Variants in TMEM94 observed in about 807,000 individuals in gnomAD.
TMEM94 encodes transmembrane protein 94.
A neutral mutation model predicts 158.6 loss-of-function variants in TMEM94; 81 were observed. The ratio of observed to expected loss-of-function variants is 0.51; its 90% CI spans 0.43 to 0.61. TMEM94 has a LOEUF of 0.61. Ranked by LOEUF, TMEM94 falls within the 20% of genes least tolerant of loss-of-function variation. TMEM94 has a pLI of 0.00. For missense variants in TMEM94, 1,435 were observed against 1,762.0 expected, an observed-to-expected ratio of 0.81 and a Z score of 3.32; for synonymous variants, 751 against 730.7, an observed-to-expected ratio of 1.03 and a Z score of -0.45.
At chr17:75,461,645 C>T (rs1441727426) in intron 1 of TMEM94, among the ~76,000 whole-genome samples, 2 of 151,830 alleles carry the variant, frequency 1.3e-5, no homozygotes, top group East Asian at 1.9e-4. Context: ...CACAGTAGGC[C>T]GGGCGCAGTG....
At chr17:75,467,459 C>G (rs2050343946) in intron 1 of TMEM94, among the ~76,000 whole-genome samples, 1 of 149,722 alleles carries the variant, frequency 6.7e-6, no homozygotes, top group Non-Finnish European at 1.5e-5. Context: ...TTGATCTTGT[C>G]TTCTGCAAAT....
chr17:75,499,414 CATGA>C lies in TMEM94; in HGVS notation c.*84_*87del. The C allele has an allele frequency of 7.3e-7, 1 of 1,373,652 alleles. No homozygotes were observed. The highest frequency in any genetic ancestry group is 1.0e-6 in the Non-Finnish European group (1 of 969,010). The allele number at this position is 1,373,652 out of a possible 1,614,324, so 85.1% of individuals were successfully genotyped here. A position where few individuals can be genotyped will look rare whatever the true frequency, so the allele number is the denominator to read the frequency against. On this transcript the variant is annotated 3_prime_UTR_variant, in exon 32 of 32. Coordinates refer to ENST00000314256, the MANE Select transcript of TMEM94 (RefSeq NM_014738.6). ...CATTTCTGAACAGGGGAGTTTGTATCATGAATGTTTCCAGGTTTGCTCCTGCACC... is the reference window on the plus strand; with the variant it reads ...CATTTCTGAACAGGGGAGTTTGTATCATGTTTCCAGGTTTGCTCCTGCACC...
intron 1 of TMEM94, among the ~76,000 whole-genome samples, chr17:75,469,533 T>C (rs1411720481): frequency 6.6e-6 from 1 of 151,298 alleles, no homozygotes; most frequent in Non-Finnish European, 1.5e-5. Flanking sequence ...TTAGTAGAGA[T>C]GGGGTTTCAT....
intron 2 of TMEM94, among the ~76,000 whole-genome samples, chr17:75,479,699 C>T (rs116936778): frequency 0.045 from 6,908 of 152,128 alleles, 162 homozygotes; most frequent in Middle Eastern, 0.095. Context: ...GGGCAGATCA[C>T]ATGAGCCCAG....
chr17:75,492,648 C>T lies in TMEM94; in HGVS notation c.1771C>T (p.Leu591=), dbSNP rs1399122003. ...CAAACCCCTGGGCCTCAATGTGCTG[C>T]TGAACCTGTGTGATGCCAGCGTCAC... ...SLKPLGLNVL[L]NLCDASVTER... Residue 591 remains leucine, a synonymous_variant, in exon 15 of 32, where the codon CTG becomes TTG. Coordinates refer to ENST00000314256, the MANE Select transcript of TMEM94 (RefSeq NM_014738.6). This position sits in a 1 kb window ranked among gnomAD's most constrained non-coding sequence, Gnocchi z 4.4. The T allele has an allele frequency of 1.2e-6, 2 of 1,614,062 alleles. No homozygotes were observed. The highest frequency in any genetic ancestry group is 4.5e-5 in the East Asian group (2 of 44,876).
In TMEM94 at chr17:75,492,993, C is replaced by T. The variant is rs1276773366; in HGVS notation, c.1977C>T (p.Pro659=). 6.2e-7 allele frequency: 1 copy of T among 1,613,852 alleles called. No homozygotes were observed. The highest frequency in any genetic ancestry group is 8.5e-7 in the Non-Finnish European group (1 of 1,180,032). Reference sequence around the variant, plus strand: ...ACCATCTGGCGCTGTACCGCCTCCCCAGTGCCGAGACAATGAAGGAGACAT... The same window carrying T: ...ACCATCTGGCGCTGTACCGCCTCCCTAGTGCCGAGACAATGAAGGAGACAT... ...QENHLALYRL[P]SAETMKETSL... is the part of the protein sequence containing the mutation. The change falls in exon 16 of 32, where the codon CCC becomes CCT. Residue 659 remains proline, a synonymous_variant. Coordinates refer to ENST00000314256, the MANE Select transcript of TMEM94 (RefSeq NM_014738.6). The surrounding 1 kb of genome is among the most constrained non-coding windows in gnomAD (Gnocchi z 4.4).
At chr17:75,469,202 T>C (rs1295400327) in intron 1 of TMEM94, among the ~76,000 whole-genome samples, 1 of 152,152 alleles carries the variant, frequency 6.6e-6, no homozygotes, top group Non-Finnish European at 1.5e-5. Flanking sequence ...GTGTGGCGTC[T>C]GACTGCCAGC....
intron 2 of TMEM94, among the ~76,000 whole-genome samples, chr17:75,479,916 C>CA (rs1243961730): frequency 4.6e-5 from 7 of 151,604 alleles, no homozygotes; most frequent in Non-Finnish European, 4.4e-5. Flanking sequence ...GAGACCATCT[C>CA]AAAAAAACAC....
At position 75,495,009 on chromosome 17, in the gene TMEM94, C is replaced by T; in HGVS notation, c.2703C>T (p.Gly901=). Residue 901 remains glycine, a synonymous_variant, in exon 20 of 32, where the codon GGC becomes GGT. Coordinates refer to ENST00000314256, the MANE Select transcript of TMEM94 (RefSeq NM_014738.6). This position sits in a 1 kb window ranked among gnomAD's most constrained non-coding sequence, Gnocchi z 5.6. ...CCCCCTCCAGCCCCAGCCACGCAGGCTCCCTGCATGATGACCTGAATCAGG... is the reference window on the plus strand; with the variant it reads ...CCCCCTCCAGCCCCAGCCACGCAGGTTCCCTGCATGATGACCTGAATCAGG... ...EIPPSSPSHA[G]SLHDDLNQVS... 1.9e-6 allele frequency: 3 copies of T among 1,613,264 alleles called. No homozygotes were observed. The highest frequency in any genetic ancestry group is 2.5e-6 in the Non-Finnish European group (3 of 1,179,982).
chr17:75,490,104 T>TCCCTTCCTGCCCCTGAGAGAGCTGG, intron 9 of TMEM94, 130 bp from the exon 10 acceptor site: 1 of 1,300,018 alleles, frequency 7.7e-7, no homozygotes, highest in Non-Finnish European at 1.0e-6. Context: ...AACACCTCTT[T>TCCCTTCCTGCCCCTGAGAGAGCTGG]CCCTTCCTGC....
chr17:75,500,226 G>C lies in TMEM94; in HGVS notation c.*892G>C, dbSNP rs77283847. 0.042 allele frequency: 6,434 copies of C among 152,320 alleles called. 145 individuals carry two copies. Among genetic ancestry groups the C allele is most frequent in the Middle Eastern group, 0.095 (28 of 294 alleles). 9.4% of individuals were successfully genotyped at this position (152,320 alleles called of 1,614,324 possible). Reference sequence around the variant, plus strand: ...CTCAGGCGAGACCCCTAGGGTCAGGGGTCCCCATGTCACAGAGGCAAACAC... The same window carrying C: ...CTCAGGCGAGACCCCTAGGGTCAGGCGTCCCCATGTCACAGAGGCAAACAC... On this transcript the variant is annotated 3_prime_UTR_variant, in exon 32 of 32. Transcript: ENST00000314256.
intron 1 of TMEM94, among the ~76,000 whole-genome samples, chr17:75,465,683 T>A (rs9900915): frequency 0.35 from 21,742 of 62,402 alleles, 3,115 homozygotes; most frequent in African/African-American, 0.55. Context: ...ATATATATTT[T>A]TTTTTAATCC....
rs760248005 is a variant in TMEM94, at chr17:75,492,708, A to C, written c.1831A>C (p.Asn611His). ...RLCRFSDHLC[N>H]IALQESHSAV... The stretch of plus-strand genomic sequence containing the variant: ...GTGCCGATTCTCCGACCACCTGTGC[A>C]ACATCGCCCTGCAAGAGAGCCACAG... The change falls in exon 15 of 32, where the codon AAC becomes CAC. Residue 611 changes from asparagine (N) to histidine (H), a missense_variant. Around this residue, in one of 3 missense-constraint regions of TMEM94, gnomAD observed 1,051 missense variants for 1,254.4 expected, o/e 0.84. Transcript: ENST00000314256. The surrounding 1 kb of genome is among the most constrained non-coding windows in gnomAD (Gnocchi z 4.4). 5.0e-5 allele frequency: 81 copies of C among 1,612,920 alleles called. No individual in the cohort carries two copies. The highest frequency in any genetic ancestry group is 1.6e-4 in the Middle Eastern group (1 of 6,084).
rs1218830031 is a variant in TMEM94, at chr17:75,491,141, G to C, written c.1221G>C (p.Leu407=). 2 of 1,611,016 alleles carry C rather than the reference G, an allele frequency of 1.2e-6. No homozygotes were observed. The highest frequency in any genetic ancestry group is 4.5e-5 in the East Asian group (2 of 44,834). ...ACAGTTCCAGCCTGCTGCACAGCCT[G>C]GGCTCTGTCACGGTGAGGGTGGGCC... ...LSHSSSLLHS[L]GSVTVLCCVD... is the part of the protein sequence containing the mutation. Residue 407 remains leucine (L), a synonymous_variant, in exon 12 of 32, where the codon CTG becomes CTC. Transcript: ENST00000314256. This position sits in a 1 kb window ranked among gnomAD's most constrained non-coding sequence, Gnocchi z 5.1.
Position 75,485,524 on chromosome 17 carries a change from C to A in TMEM94, c.121C>A (p.Arg41=). Residue 41 remains arginine (R), a synonymous_variant, in exon 3 of 32, where the codon CGG becomes AGG. Coordinates refer to ENST00000314256, the MANE Select transcript of TMEM94 (RefSeq NM_014738.6). This position sits in a 1 kb window ranked among gnomAD's most constrained non-coding sequence, Gnocchi z 5.5. ...EAVLEGHLRE[R]KKCLTWKEVW... is the part of the protein sequence containing the mutation. ...AGTGCTGGAAGGACATCTCAGGGAG[C>A]GGAAGAAGTGTCTGACGTGGAAGGT... 1 of 1,614,092 alleles carries A rather than the reference C, an allele frequency of 6.2e-7. No individual in the cohort carries two copies. Among genetic ancestry groups the A allele is most frequent in the Non-Finnish European group, 8.5e-7 (1 of 1,179,998 alleles).
At chr17:75,484,112 C>T (rs1034452923) in intron 2 of TMEM94, among the ~76,000 whole-genome samples, 4 of 152,216 alleles carry the variant, frequency 2.6e-5, no homozygotes, top group Admixed American at 2.6e-4. Flanking sequence ...CCTACACTGT[C>T]CACACCTTGT....
intron 2 of TMEM94, among the ~76,000 whole-genome samples, chr17:75,479,795 A>G (rs892983793): frequency 2.6e-5 from 4 of 152,146 alleles, no homozygotes; most frequent in Non-Finnish European, 4.4e-5. Flanking sequence ...GGCATCACCT[A>G]TAGTCCTAGC....
chr17:75,496,533 A>G (rs2052703388), intron 24 of TMEM94, 62 bp downstream of exon 24: 2 of 1,562,256 alleles, frequency 1.3e-6, no homozygotes, highest in South Asian at 2.3e-5. Context: ...GGGTGGGAGT[A>G]GCAGCAAAGG....
At position 75,491,407 on chromosome 17, in the gene TMEM94, T is replaced by G; in HGVS notation, c.1338T>G (p.His446Gln). 6.2e-7 allele frequency: 1 copy of G among 1,614,124 alleles called. No individual in the cohort carries two copies. Among genetic ancestry groups the G allele is most frequent in the Non-Finnish European group, 8.5e-7 (1 of 1,180,022 alleles). ...SGKVEPPHSS[H>Q]EDLTDGLSTR... ...AGGTGGAGCCCCCTCACAGCAGCCATGAGGACCTCACCGATGGCCTATCCA... is the reference window on the plus strand; with the variant it reads ...AGGTGGAGCCCCCTCACAGCAGCCAGGAGGACCTCACCGATGGCCTATCCA... Residue 446 changes from histidine to glutamine, a missense_variant, in exon 13 of 32, where the codon CAT (histidine) becomes CAG (glutamine). By Grantham distance (24) the His-to-Gln change is conservative. Around this residue, in one of 3 missense-constraint regions of TMEM94, gnomAD observed 1,051 missense variants for 1,254.4 expected, o/e 0.84. Coordinates refer to ENST00000314256, the MANE Select transcript of TMEM94 (RefSeq NM_014738.6). The surrounding 1 kb of genome is among the most constrained non-coding windows in gnomAD (Gnocchi z 5.1).
Sources: gnomAD v4.1 joint callset for allele counts (sites outside exome capture counted in the v4.1 genomes callset) on GRCh38, gnomAD v4.1.1 for gene constraint, gnomAD v4.1.1 regional missense constraint, Gnocchi (gnomAD v3.1) non-coding constraint, MANE v1.5 for transcripts, NCBI Gene and HGNC (gene_info 2026-07-23, HGNC 2026-07-21) for gene names.